The following ZXDC variants were observed in gnomAD, a reference collection of about 807,000 sequenced individuals.
ZXDC encodes zinc finger protein ZXDC.
Under a neutral mutation model 63.6 loss-of-function variants are expected in ZXDC, and 58 were observed. The observed-to-expected ratio is 0.91, with a 90% CI of 0.74 to 1.13. The LOEUF (loss-of-function observed/expected upper bound fraction) is 1.13. Ranked by LOEUF, ZXDC falls within the 50% of genes most tolerant of loss-of-function variation. ZXDC has a pLI of 0.00. For missense variants in ZXDC, 1,133 were observed against 1,148.9 expected (o/e 0.99, Z 0.20); for synonymous variants, 561 against 496.1 (o/e 1.13, Z -1.74).
At chr3:126,472,402 G>A in intron 1 of ZXDC, 97 bp from the exon 2 acceptor site, 2 of 1,423,718 alleles carry the variant, frequency 1.4e-6, no homozygotes, top group Non-Finnish European at 1.9e-6. Flanking sequence ...TCACACTGAA[G>A]CAGACAAGGG....
intron 5 of ZXDC, among the ~76,000 whole-genome samples, chr3:126,463,593 CAA>C (rs1205031454): frequency 6.6e-6 from 1 of 152,172 alleles, no homozygotes; most frequent in African/African-American, 2.4e-5. Context: ...AAGCATCAAG[CAA>C]ACAGTAAAAT....
At chr3:126,453,476 C>A (rs1175470992) in intron 7 of ZXDC, 2 of 985,298 alleles carry the variant, frequency 2.0e-6, no homozygotes, top group Non-Finnish European at 1.2e-6. Flanking sequence ...TTGGCTACAT[C>A]CCTTGTGTTC....
At chr3:126,458,723 T>C in intron 7 of ZXDC, 2 of 985,472 alleles carry the variant, frequency 2.0e-6, no homozygotes, top group South Asian at 9.4e-5. Context: ...CCGCTTTCCT[T>C]CATGAACTTT....
intron 7 of ZXDC, among the ~76,000 whole-genome samples, chr3:126,444,097 AAGTGAG>A (rs1484183447): frequency 6.6e-6 from 1 of 152,188 alleles, no homozygotes; most frequent in Non-Finnish European, 1.5e-5. Flanking sequence ...GAGTTTATTC[AAGTGAG>A]GGGGAACTGC....
intron 7 of ZXDC, chr3:126,458,791 C>A: frequency 1.0e-6 from 1 of 985,444 alleles, no homozygotes; most frequent in East Asian, 1.1e-4. Flanking sequence ...CTTCTATTAT[C>A]TCTGCAAGTT....
At chr3:126,439,184 T>C (rs1361722886) in intron 9 of ZXDC, among the ~76,000 whole-genome samples, 3 of 152,374 alleles carry the variant, frequency 2.0e-5, no homozygotes, top group South Asian at 4.1e-4. Context: ...ATTGTAAATA[T>C]ATAAACACGT....
intron 7 of ZXDC, among the ~76,000 whole-genome samples, chr3:126,456,725 C>A (rs949600908): frequency 6.6e-6 from 1 of 152,150 alleles, no homozygotes. Flanking sequence ...CTTGAGGACC[C>A]CCAAGCTTGC....
intron 4 of ZXDC, 31 bp from the exon 5 acceptor site, chr3:126,466,356 C>T: frequency 6.2e-7 from 1 of 1,613,008 alleles, no homozygotes; most frequent in Non-Finnish European, 8.5e-7. Flanking sequence ...AGAGTGAAAC[C>T]CAAGGATCAC....
chr3:126,458,720 C>G, intron 7 of ZXDC: 1 of 985,434 alleles, frequency 1.0e-6, no homozygotes, highest in Non-Finnish European at 1.2e-6. Context: ...CATCCGCTTT[C>G]CTTCATGAAC....
At chr3:126,474,652 T>C (rs1326051162) in intron 1 of ZXDC, among the ~76,000 whole-genome samples, 2 of 152,030 alleles carry the variant, frequency 1.3e-5, no homozygotes, top group African/African-American at 2.4e-5. Flanking sequence ...ACCTGACACA[T>C]AGCTCCGTGC....
chr3:126,442,139 AC>A (rs554787844), intron 7 of ZXDC, 193 bp from the exon 8 acceptor site: 254 of 559,740 alleles, frequency 4.5e-4, no homozygotes, highest in South Asian at 3.9e-3. Context: ...GAACAAAAAA[AC>A]ATCAGGATTT....
intron 1 of ZXDC, among the ~76,000 whole-genome samples, chr3:126,473,876 C>T (rs1207399649): frequency 6.6e-6 from 1 of 152,144 alleles, no homozygotes; most frequent in Non-Finnish European, 1.5e-5. Context: ...CCCACCTGGG[C>T]TCTGCCACCC....
At position 126,472,135 on chromosome 3, in the gene ZXDC, C is replaced by T. The variant is rs774843723; in HGVS notation, c.1060+18G>A. 9.9e-6 allele frequency: 16 copies of T among 1,608,512 alleles called. No homozygotes were observed. Among genetic ancestry groups the T allele is most frequent in the Admixed American group, 3.3e-5 (2 of 59,704 alleles). On this transcript the variant is annotated intron_variant, in intron 2 of 9. Transcript: ENST00000389709. The stretch of plus-strand genomic sequence containing the variant: ...ACAAATCTTGGGTCCAAATGCTGTG[C>T]GTTCCCTAGCTCATTACCTGTATGG...
chr3:126,441,972 C>T, intron 7 of ZXDC, 26 bp from the exon 8 acceptor site: 1 of 1,567,578 alleles, frequency 6.4e-7, no homozygotes, highest in Non-Finnish European at 8.7e-7. Flanking sequence ...AAAACGAGCA[C>T]ACCCAATCTA....
intron 7 of ZXDC, chr3:126,453,651 C>T (rs1560094794): frequency 1.0e-6 from 1 of 985,304 alleles, no homozygotes. Context: ...AACTTATAAA[C>T]ACATGGCCTA....
intron 7 of ZXDC, among the ~76,000 whole-genome samples, chr3:126,455,784 T>G (rs1390312170): frequency 1.3e-5 from 2 of 151,608 alleles, no homozygotes; most frequent in African/African-American, 2.4e-5. Context: ...GATCACAAGG[T>G]CAGGAGATGG....
At chr3:126,444,672 T>A (rs1363195404) in intron 7 of ZXDC, among the ~76,000 whole-genome samples, 1 of 152,218 alleles carries the variant, frequency 6.6e-6, no homozygotes, top group Non-Finnish European at 1.5e-5. Context: ...TCAAGTTTTA[T>A]AACATAAACA....
chr3:126,459,715 G>C lies in ZXDC; in HGVS notation c.2150C>G (p.Thr717Ser). 2 of 1,614,158 alleles carry C rather than the reference G, an allele frequency of 1.2e-6. No individual in the cohort carries two copies. The highest frequency in any genetic ancestry group is 1.7e-6 in the Non-Finnish European group (2 of 1,180,030). The change falls in exon 7 of 10, where the codon ACT becomes AGT. Residue 717 changes from threonine (T) to serine (S), a missense_variant. Coordinates refer to ENST00000389709, the MANE Select transcript of ZXDC (RefSeq NM_025112.5). ...FYLESGGSAR[T>S]DYRAIQLAKE... ...GGCTAGTTGAATGGCTCGGTAATCA[G>C]TTCTTGCTGAGCCCCCACTTTCCTG...
intron 7 of ZXDC, chr3:126,451,855 A>C: frequency 1.0e-6 from 1 of 985,154 alleles, no homozygotes; most frequent in Non-Finnish European, 1.2e-6. Flanking sequence ...GCACCCGTGC[A>C]GGAAGGGTTG....
Sources: gnomAD v4.1 joint callset for allele counts (sites outside exome capture counted in the v4.1 genomes callset) on GRCh38, gnomAD v4.1.1 for gene constraint, MANE v1.5 for transcripts, NCBI Gene and HGNC (gene_info 2026-07-23, HGNC 2026-07-21) for gene names.